Variants in ACACB observed in about 807,000 individuals in gnomAD.
ACACB encodes the protein acetyl-CoA carboxylase 2.
A neutral mutation model predicts 278.8 loss-of-function variants in ACACB; 209 were observed. The ratio of observed to expected loss-of-function variants is 0.75; its 90% CI spans 0.67 to 0.84. The LOEUF is 0.84. Among genes scored for constraint, ACACB ranks in the 40% least tolerant of loss-of-function variants. The pLI is 0.00. For missense variants in ACACB, 2,850 were observed against 3,269.0 expected (o/e 0.87, Z 3.13); for synonymous variants, 1,174 against 1,285.6 (o/e 0.91, Z 1.86).
At chr12:109,152,463 T>A (rs1194034193) in intron 2 of ACACB, among the ~76,000 whole-genome samples, 3 of 152,094 alleles carry the variant, frequency 2.0e-5, no homozygotes, top group African/African-American at 7.2e-5. Context: ...ATTTTGTTTA[T>A]CTGTTTTTTT....
intron 18 of ACACB, among the ~76,000 whole-genome samples, chr12:109,199,761 C>T (rs2045270489): frequency 6.6e-6 from 1 of 152,220 alleles, no homozygotes. Context: ...CGCCTGTAAT[C>T]CCAGCACTTT....
chr12:109,191,064 C>T (rs902794735), intron 13 of ACACB, among the ~76,000 whole-genome samples: 4 of 152,104 alleles, frequency 2.6e-5, no homozygotes, highest in African/African-American at 9.7e-5. Flanking sequence ...TCTCGAACAC[C>T]CTCATGAAGT....
chr12:109,206,864 C>T lies in ACACB; in HGVS notation c.3060+8C>T, dbSNP rs757327601. On this transcript the variant is annotated splice_region_variant and intron_variant, in intron 20 of 52. Coordinates refer to ENST00000338432, the MANE Select transcript of ACACB (RefSeq NM_001093.4). ...CCCGTTTTTAGCATAAAGGTAAAGT[C>T]ACCTATGAGCGCAGGCGTGTAGACC... is the stretch of plus-strand genomic sequence containing the variant. 6.2e-7 allele frequency: 1 copy of T among 1,614,154 alleles called. No homozygotes were observed. The highest frequency in any genetic ancestry group is 1.1e-5 in the South Asian group (1 of 91,068).
chr12:109,213,484 G>A (rs1312826195), intron 22 of ACACB, among the ~76,000 whole-genome samples: 1 of 152,222 alleles, frequency 6.6e-6, no homozygotes, highest in African/African-American at 2.4e-5. Flanking sequence ...AATTGTTATT[G>A]TGGCTTTTGG....
At chr12:109,200,243 G>A (rs2045290887) in intron 18 of ACACB, among the ~76,000 whole-genome samples, 1 of 151,828 alleles carries the variant, frequency 6.6e-6, no homozygotes, top group African/African-American at 2.4e-5. Context: ...GAGTGTAGTG[G>A]CGTGATCTTG....
chr12:109,187,955 G>C, intron 12 of ACACB, 44 bp from the exon 13 acceptor site: 1 of 1,573,070 alleles, frequency 6.4e-7, no homozygotes, highest in Non-Finnish European at 8.7e-7. Context: ...AATATATCTG[G>C]AGTAATGATT....
Position 109,176,187 on chromosome 12 carries a change from A to C in ACACB, c.1361A>C (p.Lys454Thr). ...AGAATTGGTTTTCCATTGATGATCA[A>C]AGCTTCTGAAGGTGGCGGAGGGAAG... ...AERIGFPLMI[K>T]ASEGGGGKGI... Residue 454 changes from lysine (K) to threonine (T), a missense_variant, in exon 9 of 53, where the codon AAA becomes ACA. Around this residue, in one of 3 missense-constraint regions of ACACB, gnomAD observed 2,265 missense variants for 2,561.3 expected, o/e 0.88. Coordinates refer to ENST00000338432, the MANE Select transcript of ACACB (RefSeq NM_001093.4). 6.2e-7 allele frequency: 1 copy of C among 1,614,186 alleles called. No homozygotes were observed. Among genetic ancestry groups the C allele is most frequent in the Non-Finnish European group, 8.5e-7 (1 of 1,180,026 alleles).
intron 22 of ACACB, among the ~76,000 whole-genome samples, chr12:109,214,921 A>T (rs1433636339): frequency 6.6e-6 from 1 of 152,120 alleles, no homozygotes; most frequent in Non-Finnish European, 1.5e-5. Context: ...AATATGGTGA[A>T]ACCCTGTCTA....
chr12:109,212,319 G>C (rs1157819688), intron 21 of ACACB, among the ~76,000 whole-genome samples: 1 of 152,002 alleles, frequency 6.6e-6, no homozygotes, highest in Non-Finnish European at 1.5e-5. Context: ...CCGGGGAGGG[G>C]GATGGTTTCG....
At chr12:109,245,944 C>T (rs770207479) in intron 38 of ACACB, among the ~76,000 whole-genome samples, 196 bp downstream of exon 38, 2 of 151,984 alleles carry the variant, frequency 1.3e-5, no homozygotes, top group Non-Finnish European at 2.9e-5. Context: ...TTAAAATTAG[C>T]TGTGTGTGGT....
chr12:109,186,683 A>G (rs752268050), intron 12 of ACACB, among the ~76,000 whole-genome samples: 2 of 152,134 alleles, frequency 1.3e-5, no homozygotes, highest in Non-Finnish European at 2.9e-5. Flanking sequence ...AAGAGAGGGT[A>G]CACCTCCACC....
chr12:109,210,139 A>ATATGTATATATACACACGTGTGTATATG (rs1555222810), intron 21 of ACACB, among the ~76,000 whole-genome samples: 1 of 69,364 alleles, frequency 1.4e-5, no homozygotes, highest in East Asian at 4.4e-4. Context: ...ATGTGTGTAT[A>ATATGTATATATACACACGTGTGTATATG]TATGTATATA....
rs190917687 is a variant in ACACB, at chr12:109,266,175, C to A, written c.7251-61C>A. On this transcript the variant is annotated intron_variant, in intron 52 of 52. Coordinates refer to ENST00000338432, the MANE Select transcript of ACACB (RefSeq NM_001093.4). Reference sequence around the variant, plus strand: ...TGGCCCCACACAAGGACTCTGCCACCCTTGGGGCCACTGAAAAAGTGGCTG... The same window carrying A: ...TGGCCCCACACAAGGACTCTGCCACACTTGGGGCCACTGAAAAAGTGGCTG... The A allele has an allele frequency of 2.9e-5, 46 of 1,578,662 alleles. No homozygotes were observed. In the African/African-American group the frequency reaches 5.9e-4, roughly 20 times the overall value.
At position 109,185,692 on chromosome 12, in the gene ACACB, CCGAGG is replaced by C. The variant is rs1246222648; in HGVS notation, c.1934_1938del (p.Arg645ProfsTer17). The C allele has an allele frequency of 6.2e-7, 1 of 1,613,362 alleles. No homozygotes were observed. Among genetic ancestry groups the C allele is most frequent in the Non-Finnish European group, 8.5e-7 (1 of 1,179,710 alleles). On this transcript the variant is annotated frameshift_variant, in exon 12 of 53. Transcript: ENST00000338432. LOFTEE classifies it high-confidence loss of function. ...AAACCCCCTCAAACCCTCCCCTCGC[CCGAGG>C]CCACGTCATTGCCGCCAGAATCACC... is the stretch of plus-strand genomic sequence containing the variant.
At chr12:109,246,507 T>C (rs2046950811) in intron 39 of ACACB, 59 bp downstream of exon 39, 1 of 1,577,036 alleles carries the variant, frequency 6.3e-7, no homozygotes, top group African/African-American at 1.4e-5. Context: ...GTATTTTCAG[T>C]GGGAGTGCTA....
intron 33 of ACACB, among the ~76,000 whole-genome samples, chr12:109,236,644 C>T (rs2046639792): frequency 6.6e-6 from 1 of 152,170 alleles, no homozygotes; most frequent in African/African-American, 2.4e-5. Flanking sequence ...GGTTTATTCC[C>T]AGCACTGATT....
chr12:109,181,229 C>CTTTTTTTTTTTT (rs1219593155), intron 11 of ACACB, among the ~76,000 whole-genome samples: 4 of 130,780 alleles, frequency 3.1e-5, no homozygotes, highest in South Asian at 2.4e-4. Flanking sequence ...TTTTTCTTTT[C>CTTTTTTTTTTTT]TTTTTTTTTT....
rs1307264116 is a variant in ACACB, at chr12:109,267,392, C to G, written c.*1030C>G. Reference sequence around the variant, plus strand: ...CTCGCATAGCTCGAGGTCCTCTGCCCACCTCTTCTCTCCAAGGAAAATGAG... The same window carrying G: ...CTCGCATAGCTCGAGGTCCTCTGCCGACCTCTTCTCTCCAAGGAAAATGAG... On this transcript the variant is annotated 3_prime_UTR_variant, in exon 53 of 53. Coordinates refer to ENST00000338432, the MANE Select transcript of ACACB (RefSeq NM_001093.4). 6.6e-6 allele frequency: 1 copy of G among 152,264 alleles called. No individual in the cohort carries two copies. Among genetic ancestry groups the G allele is most frequent in the Non-Finnish European group, 1.5e-5 (1 of 68,084 alleles). 9.4% of individuals were successfully genotyped at this position (152,264 alleles called of 1,614,324 possible).
chr12:109,177,849 T>C (rs1484446068), intron 9 of ACACB, among the ~76,000 whole-genome samples: 2 of 152,128 alleles, frequency 1.3e-5, no homozygotes, highest in African/African-American at 2.4e-5. Context: ...TTTTAAAAAA[T>C]AGACTTTATT....
Sources: gnomAD v4.1 joint callset for allele counts (sites outside exome capture counted in the v4.1 genomes callset) on GRCh38, gnomAD v4.1.1 for gene constraint, gnomAD v4.1.1 regional missense constraint, MANE v1.5 for transcripts, NCBI Gene and HGNC (gene_info 2026-07-23, HGNC 2026-07-21) for gene names.